TSHZ3: variants seen among roughly 807,000 people sequenced by gnomAD.
TSHZ3 encodes the protein teashirt homolog 3.
Under a neutral mutation model 64.5 loss-of-function variants are expected in TSHZ3, and 10 were observed. That is an observed-to-expected ratio of 0.16 (90% CI 0.10 to 0.26). The LOEUF (loss-of-function observed/expected upper bound fraction) is 0.26, where lower values mean the gene tolerates loss of function less well. Ranked by LOEUF, TSHZ3 falls within the 10% of genes least tolerant of loss-of-function variation. TSHZ3 has a pLI of 1.00. For synonymous variants in TSHZ3, 608 were observed against 593.1 expected (o/e 1.03, Z -0.36); for missense variants, 1,242 against 1,421.7 (o/e 0.87, Z 2.03).
intron 3 of TSHZ3, among the ~76,000 whole-genome samples, chr19:31,229,713 C>A (rs1176538202): frequency 6.6e-6 from 1 of 152,084 alleles, no homozygotes; most frequent in Non-Finnish European, 1.5e-5. Context: ...ATGTATGTAA[C>A]AAAGGGTTTA....
Position 31,277,861 on chromosome 19 carries a change from G to C in TSHZ3, c.1932C>G (p.Ser644=), listed in dbSNP as rs1197902590. ...KLSPPKRATP[S]PCSSEVGEPI... is the part of the protein sequence containing the mutation. ...GTTCCCCGACTTCGCTGCTACATGGGGAGGGAGTGGCCCGCTTGGGCGGGG... is the reference window on the plus strand; with the variant it reads ...GTTCCCCGACTTCGCTGCTACATGGCGAGGGAGTGGCCCGCTTGGGCGGGG... Residue 644 remains serine, a synonymous_variant, in exon 2 of 2, where the codon TCC becomes TCG. Transcript: ENST00000240587. This position sits in a 1 kb window ranked among gnomAD's most constrained non-coding sequence, Gnocchi z 4.5. 38 of 1,602,176 alleles carry C rather than the reference G, an allele frequency of 2.4e-5. No individual in the cohort carries two copies. The East Asian group carries it at 8.0e-4, about 34-fold the overall frequency.
chr19:31,290,083 C>T (rs1258107205), intron 1 of TSHZ3, among the ~76,000 whole-genome samples: 1 of 152,164 alleles, frequency 6.6e-6, no homozygotes, highest in Non-Finnish European at 1.5e-5. Flanking sequence ...ACCACACCTG[C>T]CATATCAGCT....
At chr19:31,204,758 T>C (rs967953700) in intron 5 of TSHZ3, 1 of 152,248 alleles carries the variant, frequency 6.6e-6, no homozygotes, top group African/African-American at 2.4e-5. Context: ...ATGGAAACCT[T>C]GTTCCACACA....
intron 5 of TSHZ3, among the ~76,000 whole-genome samples, chr19:31,164,294 C>T (rs572166793): frequency 1.3e-4 from 20 of 152,248 alleles, no homozygotes; most frequent in African/African-American, 3.4e-4. Flanking sequence ...TCTGGGGACG[C>T]GCTGTTGACC....
chr19:31,220,500 T>C (rs1021042277), intron 4 of TSHZ3, among the ~76,000 whole-genome samples: 2 of 152,236 alleles, frequency 1.3e-5, no homozygotes, highest in African/African-American at 4.8e-5. Context: ...ATTTTATTTT[T>C]ATTTCATTGG....
intron 1 of TSHZ3, among the ~76,000 whole-genome samples, chr19:31,296,327 A>ATTTTTTTTTTTTTTTTTTTTTTTTTT (rs35057697): frequency 1.1e-5 from 1 of 94,026 alleles, no homozygotes; most frequent in African/African-American, 4.6e-5. Flanking sequence ...AGTGCTGTGA[A>ATTTTTTTTTTTTTTTTTTTTTTTTTT]TTTTTTTTTT....
At chr19:31,333,991 A>C (rs1327550261) in intron 1 of TSHZ3, among the ~76,000 whole-genome samples, 1 of 152,120 alleles carries the variant, frequency 6.6e-6, no homozygotes, top group African/African-American at 2.4e-5. Context: ...CTCCCCACCC[A>C]CACTACATCA....
At chr19:31,308,577 C>T (rs924188633) in intron 1 of TSHZ3, 9 of 397,964 alleles carry the variant, frequency 2.3e-5, no homozygotes, top group Admixed American at 1.8e-4. Flanking sequence ...ATGGAGGTTT[C>T]GGAGCTCTGG....
At chr19:31,246,850 G>C (rs544394034) in intron 1 of TSHZ3, among the ~76,000 whole-genome samples, 1 of 152,082 alleles carries the variant, frequency 6.6e-6, no homozygotes, top group South Asian at 2.1e-4. Flanking sequence ...GAAACTTCTG[G>C]TCCCAAAAAG....
Position 31,315,270 on chromosome 19 carries a change from C to T in TSHZ3, c.40+33910G>A, listed in dbSNP as rs1466722259. Among the ~76,000 whole-genome samples, 3 of 152,182 alleles carry T rather than the reference C, an allele frequency of 2.0e-5. No homozygotes were observed. In the East Asian group the frequency reaches 5.8e-4, roughly 29 times the overall value. ...TCCCCTTCTCCTTCGAGGCTCACAT[C>T]AGCCATCCAATTTACTGACAGTATT... On this transcript the variant is annotated intron_variant, in intron 1 of 1. Transcript: ENST00000240587.
intron 1 of TSHZ3, among the ~76,000 whole-genome samples, chr19:31,261,673 G>A (rs1040684580): frequency 3.3e-5 from 5 of 152,160 alleles, no homozygotes; most frequent in African/African-American, 7.2e-5. Context: ...GAAATTCATC[G>A]TTGACTGCAG....
chr19:31,318,953 C>T (rs1481158892), intron 1 of TSHZ3, among the ~76,000 whole-genome samples: 2 of 152,322 alleles, frequency 1.3e-5, no homozygotes, highest in Admixed American at 6.5e-5. Context: ...CCTCCCATGG[C>T]CCAGACAATC....
intron 1 of TSHZ3, among the ~76,000 whole-genome samples, chr19:31,318,073 T>G (rs1302495317): frequency 6.6e-6 from 1 of 152,208 alleles, no homozygotes; most frequent in East Asian, 1.9e-4. Flanking sequence ...GTGGCTCTAT[T>G]AGGAACAGTA....
At chr19:31,294,839 C>G (rs1324084378) in intron 1 of TSHZ3, among the ~76,000 whole-genome samples, 1 of 151,932 alleles carries the variant, frequency 6.6e-6, no homozygotes, top group East Asian at 1.9e-4. Flanking sequence ...GGAAGAGAGA[C>G]AGAAAAGAGA....
At chr19:31,318,994 C>T (rs1164061123) in intron 1 of TSHZ3, among the ~76,000 whole-genome samples, 2 of 152,224 alleles carry the variant, frequency 1.3e-5, no homozygotes, top group African/African-American at 4.8e-5. Context: ...CTAAAAGCAG[C>T]TCATTAATCT....
intron 5 of TSHZ3, among the ~76,000 whole-genome samples, chr19:31,201,287 G>A (rs1256082908): frequency 1.3e-5 from 2 of 151,958 alleles, no homozygotes; most frequent in Admixed American, 6.5e-5. Flanking sequence ...GGATGAGAAA[G>A]TTATAAAATG....
chr19:31,299,322 C>T (rs1326791971), intron 1 of TSHZ3, among the ~76,000 whole-genome samples: 5 of 152,168 alleles, frequency 3.3e-5, no homozygotes, highest in African/African-American at 1.2e-4. Context: ...GCCTCAGTCT[C>T]CCCACTTGAA....
At chr19:31,325,204 A>G (rs1164789579) in intron 1 of TSHZ3, among the ~76,000 whole-genome samples, 1 of 152,206 alleles carries the variant, frequency 6.6e-6, no homozygotes, top group Non-Finnish European at 1.5e-5. Flanking sequence ...GGGCTTCCGC[A>G]GTCCGGCCAC....
intron 5 of TSHZ3, among the ~76,000 whole-genome samples, chr19:31,191,190 A>T (rs1974900228): frequency 6.6e-6 from 1 of 152,176 alleles, no homozygotes; most frequent in African/African-American, 2.4e-5. Context: ...TGACACTGAA[A>T]CTCAACAAAT....
Sources: allele counts gnomAD v4.1 joint callset (sites outside exome capture counted in the v4.1 genomes callset), GRCh38; gene constraint gnomAD v4.1.1; non-coding constraint Gnocchi (gnomAD v3.1); transcripts MANE v1.5; gene names NCBI Gene and HGNC (gene_info 2026-07-23, HGNC 2026-07-21).